Variants in ANKRD28 observed in about 807,000 individuals in gnomAD.
The protein encoded by ANKRD28 is serine/threonine-protein phosphatase 6 regulatory ankyrin repeat subunit A.
ANKRD28 carries 44 observed loss-of-function variants against 126.5 expected under a neutral mutation model. The observed-to-expected ratio is 0.35, with a 90% confidence interval of 0.27 to 0.45. The LOEUF (loss-of-function observed/expected upper bound fraction) is 0.45, where lower values mean the gene tolerates loss of function less well. Among genes scored for constraint, ANKRD28 ranks in the 20% least tolerant of loss-of-function variants. The pLI, the probability that ANKRD28 is intolerant of heterozygous loss-of-function variation, is 1.00. For synonymous variants in ANKRD28, 442 were observed against 468.5 expected (o/e 0.94, Z 0.73); for missense variants, 1,110 against 1,316.6 (o/e 0.84, Z 2.43).
At chr3:15,765,707 G>A (rs2058702206) in intron 3 of ANKRD28, among the ~76,000 whole-genome samples, 1 of 152,010 alleles carries the variant, frequency 6.6e-6, no homozygotes, top group Non-Finnish European at 1.5e-5. Flanking sequence ...GGGTATGGAG[G>A]CATGTGCCTG....
At chr3:15,768,395 CTT>C (rs1178776173) in intron 2 of ANKRD28, among the ~76,000 whole-genome samples, 2 of 152,156 alleles carry the variant, frequency 1.3e-5, no homozygotes, top group African/African-American at 2.4e-5. Context: ...ACAGACGTAT[CTT>C]AACATTTGGG....
At chr3:15,774,842 C>G (rs1036199905) in intron 2 of ANKRD28, among the ~76,000 whole-genome samples, 1 of 152,268 alleles carries the variant, frequency 6.6e-6, no homozygotes, top group South Asian at 2.1e-4. Flanking sequence ...TAAGAGACAA[C>G]TCAAAAGAAA....
intron 7 of ANKRD28, among the ~76,000 whole-genome samples, chr3:15,722,869 A>T (rs1464899937): frequency 6.6e-6 from 1 of 152,122 alleles, no homozygotes; most frequent in Non-Finnish European, 1.5e-5. Context: ...CATACTCTAA[A>T]ACTCTGGGAA....
intron 2 of ANKRD28, among the ~76,000 whole-genome samples, chr3:15,779,310 T>A (rs1203189455): frequency 6.6e-6 from 1 of 152,196 alleles, no homozygotes; most frequent in East Asian, 1.9e-4. Flanking sequence ...ATGATTGGAC[T>A]TGCCTTCACA....
At chr3:15,767,870 A>T (rs2058823125) in intron 2 of ANKRD28, among the ~76,000 whole-genome samples, 1 of 151,846 alleles carries the variant, frequency 6.6e-6, no homozygotes, top group South Asian at 2.1e-4. Context: ...CCTGGATGAC[A>T]GAGAGAGACT....
At chr3:15,733,556 A>C (rs1007321038) in intron 6 of ANKRD28, 4 of 152,226 alleles carry the variant, frequency 2.6e-5, no homozygotes, top group African/African-American at 7.2e-5. Flanking sequence ...GCTTTATGTG[A>C]CTATTCTTCG....
At chr3:15,673,126 C>G (rs895887632) in intron 27 of ANKRD28, among the ~76,000 whole-genome samples, 1 of 152,214 alleles carries the variant, frequency 6.6e-6, no homozygotes, top group Non-Finnish European at 1.5e-5. Flanking sequence ...GTTCCTCCCC[C>G]ACTTTCTCCT....
intron 6 of ANKRD28, among the ~76,000 whole-genome samples, chr3:15,727,592 A>C (rs9827238): frequency 0.025 from 3,449 of 140,402 alleles, 268 homozygotes; most frequent in African/African-American, 0.093. Flanking sequence ...AAAAAAAAAG[A>C]AAGAAAGAAA....
chr3:15,674,845 G>A (rs1228911248), intron 27 of ANKRD28, among the ~76,000 whole-genome samples: 1 of 152,168 alleles, frequency 6.6e-6, no homozygotes, highest in East Asian at 1.9e-4. Context: ...GCCAAAAGCT[G>A]ATCTATCAAG....
chr3:15,701,167 C>G (rs2070543339), intron 14 of ANKRD28, among the ~76,000 whole-genome samples: 1 of 152,148 alleles, frequency 6.6e-6, no homozygotes, highest in Admixed American at 6.5e-5. Flanking sequence ...ATATGAGAGC[C>G]ATTATTTCAA....
intron 8 of ANKRD28, among the ~76,000 whole-genome samples, chr3:15,720,026 T>C (rs2073529292): frequency 6.6e-6 from 1 of 152,084 alleles, no homozygotes; most frequent in African/African-American, 2.4e-5. Flanking sequence ...TGAGCCACCA[T>C]GCCAAGCTCA....
chr3:15,686,188 T>C (rs752766262), intron 19 of ANKRD28, 34 bp downstream of exon 19: 1 of 1,590,296 alleles, frequency 6.3e-7, no homozygotes, highest in Non-Finnish European at 8.6e-7. Context: ...AAATACGCCC[T>C]TCTGTGATGC....
intron 26 of ANKRD28, chr3:15,676,225 C>T (rs572382347): frequency 5.1e-6 from 2 of 388,862 alleles, no homozygotes; most frequent in Non-Finnish European, 9.1e-6. Context: ...GTCCCATCGA[C>T]AGGTCCCTAC....
At chr3:15,741,641 C>T (rs948354211) in intron 4 of ANKRD28, among the ~76,000 whole-genome samples, 1 of 138,748 alleles carries the variant, frequency 7.2e-6, no homozygotes, top group African/African-American at 2.7e-5. Flanking sequence ...TTATTATTAC[C>T]ATGGGGTCAG....
At chr3:15,678,109 G>T in intron 24 of ANKRD28, 100 bp downstream of exon 24, 1 of 1,183,276 alleles carries the variant, frequency 8.5e-7, no homozygotes, top group Non-Finnish European at 1.2e-6. Context: ...AGTCTTAGGA[G>T]TGGTAAGATA....
At chr3:15,711,692 A>ATT (rs879312791) in intron 11 of ANKRD28, among the ~76,000 whole-genome samples, 1 of 144,998 alleles carries the variant, frequency 6.9e-6, no homozygotes, top group African/African-American at 2.5e-5. Context: ...GGTTTTCTGT[A>ATT]TTTTTTTTTT....
intron 1 of ANKRD28, among the ~76,000 whole-genome samples, chr3:15,823,613 A>G (rs777595021): frequency 5.4e-4 from 82 of 152,206 alleles, no homozygotes; most frequent in Non-Finnish European, 9.8e-4. Flanking sequence ...AACTAGAAAA[A>G]GACATCATGA....
At chr3:15,813,076 T>C (rs1473673748) in intron 1 of ANKRD28, among the ~76,000 whole-genome samples, 1 of 148,270 alleles carries the variant, frequency 6.7e-6, no homozygotes. Flanking sequence ...AGAGAAAAAA[T>C]TAAAAAGTTT....
At position 15,853,325 on chromosome 3, in the gene ANKRD28, A is replaced by C. The variant is rs1490828556; in HGVS notation, c.27+6052T>G. Reference sequence around the variant, plus strand: ...CCATGGGCATCTCACCCCAGTCCAGAATGAGTACATTCACTGAATATAAAT... The same window carrying C: ...CCATGGGCATCTCACCCCAGTCCAGCATGAGTACATTCACTGAATATAAAT... On this transcript the variant is annotated intron_variant, in intron 1 of 27. Transcript: ENST00000399451. This position sits in a 1 kb window ranked among gnomAD's most constrained non-coding sequence, Gnocchi z 4.2. Among the ~76,000 whole-genome samples, 1 of 152,188 alleles carries C rather than the reference A, an allele frequency of 6.6e-6. No individual in the cohort carries two copies. The highest frequency in any genetic ancestry group is 1.5e-5 in the Non-Finnish European group (1 of 68,036).
Sources: gnomAD v4.1 joint callset for allele counts (sites outside exome capture counted in the v4.1 genomes callset) on GRCh38, gnomAD v4.1.1 for gene constraint, Gnocchi (gnomAD v3.1) non-coding constraint, MANE v1.5 for transcripts, NCBI Gene and HGNC (gene_info 2026-07-23, HGNC 2026-07-21) for gene names.